Variants in AKAP6 observed in about 807,000 individuals in gnomAD.
AKAP6 encodes A-kinase anchoring protein 6.
A neutral mutation model predicts 188.5 loss-of-function variants in AKAP6; 58 were observed. The ratio of observed to expected loss-of-function variants is 0.31; its 90% CI spans 0.25 to 0.38. The LOEUF is 0.38. AKAP6 is among the 10% of genes least tolerant of loss of function. The pLI is 1.00. For missense variants in AKAP6, 2,710 were observed against 2,740.0 expected, an observed-to-expected ratio of 0.99 and a Z score of 0.24; for synonymous variants, 989 against 998.6, an observed-to-expected ratio of 0.99 and a Z score of 0.18.
chr14:32,663,292 A>G (rs780130313), intron 7 of AKAP6, among the ~76,000 whole-genome samples: 9 of 152,020 alleles, frequency 5.9e-5, no homozygotes, highest in Non-Finnish European at 1.0e-4. Context: ...TTTTAAAAAT[A>G]GTATCTTCAG....
chr14:32,554,704 G>A (rs77106695), intron 4 of AKAP6, among the ~76,000 whole-genome samples: 8,826 of 152,150 alleles, frequency 0.058, 302 homozygotes, highest in South Asian at 0.096. Context: ...TTGGTAAGTA[G>A]CCACTTGTAT....
intron 11 of AKAP6, among the ~76,000 whole-genome samples, chr14:32,749,173 G>C (rs935823233): frequency 1.3e-5 from 2 of 152,174 alleles, no homozygotes; most frequent in Non-Finnish European, 2.9e-5. Flanking sequence ...ATCTCAGGAA[G>C]TAAGTTTTCT....
intron 11 of AKAP6, among the ~76,000 whole-genome samples, chr14:32,749,365 A>G (rs1001975535): frequency 6.6e-6 from 1 of 152,212 alleles, no homozygotes; most frequent in Non-Finnish European, 1.5e-5. Context: ...AGATCAGCCA[A>G]TAGCCAATTC....
At chr14:32,388,543 G>T (rs146127374) in intron 1 of AKAP6, among the ~76,000 whole-genome samples, 1 of 151,946 alleles carries the variant, frequency 6.6e-6, no homozygotes, top group Non-Finnish European at 1.5e-5. Flanking sequence ...GGTTTGGTAG[G>T]TTGTGTCACT....
chr14:32,563,893 A>G (rs566998416), intron 4 of AKAP6, among the ~76,000 whole-genome samples: 1 of 152,310 alleles, frequency 6.6e-6, no homozygotes, highest in Admixed American at 6.5e-5. Flanking sequence ...CTAATTTATA[A>G]TTTTGTCACA....
rs948619612 is a variant in AKAP6, at chr14:32,837,104, T to G, written c.*7299T>G. ...TGTCATGTTCATCAACGTTTTAGAC[T>G]GTACCATTGCTCTTTCTCCCTTCTT... On this transcript the variant is annotated 3_prime_UTR_variant, in exon 14 of 14. Coordinates refer to ENST00000280979, the MANE Select transcript of AKAP6 (RefSeq NM_004274.5). 3 of 152,218 alleles carry G rather than the reference T, an allele frequency of 2.0e-5. No individual in the cohort carries two copies. The highest frequency in any genetic ancestry group is 2.9e-5 in the Non-Finnish European group (2 of 68,036). The allele number at this position is 152,218 out of a possible 1,614,324, so 9.4% of individuals were successfully genotyped here.
rs145631322 is a variant in AKAP6, at chr14:32,821,851, A to G, written c.4038A>G (p.Val1346=). 3.5e-5 allele frequency: 56 copies of G among 1,613,806 alleles called. No individual in the cohort carries two copies. Among genetic ancestry groups the G allele is most frequent in the Non-Finnish European group, 4.1e-5 (48 of 1,179,948 alleles). ...LPDLLGGSNL[V]KPCACHGGDM... ...ATCTTCTAGGTGGTTCCAATTTGGTAAAGCCCTGCGCATGTCATGGAGGAG... is the reference window on the plus strand; with the variant it reads ...ATCTTCTAGGTGGTTCCAATTTGGTGAAGCCCTGCGCATGTCATGGAGGAG... The change falls in exon 13 of 14, where the codon GTA becomes GTG. Residue 1346 remains valine (V), a synonymous_variant. Coordinates refer to ENST00000280979, the MANE Select transcript of AKAP6 (RefSeq NM_004274.5).
intron 1 of AKAP6, among the ~76,000 whole-genome samples, chr14:32,414,874 G>A (rs1889607559): frequency 6.6e-6 from 1 of 152,158 alleles, no homozygotes; most frequent in African/African-American, 2.4e-5. Flanking sequence ...CCAGGCTAAT[G>A]CACTCACTGA....
rs182621272 is a variant in AKAP6, at chr14:32,829,905, G to A, written c.*100G>A. ...TCCTCCCGCCCTGGGCTGGCCTCTG[G>A]TTCCATCACGTTTGTCACTGCCGTT... On this transcript the variant is annotated 3_prime_UTR_variant, in exon 14 of 14. Transcript: ENST00000280979. The A allele has an allele frequency of 7.6e-3, 5,311 of 702,674 alleles. 38 individuals are homozygous for A. Among genetic ancestry groups the A allele is most frequent in the Non-Finnish European group, 8.0e-3 (3,086 of 384,750 alleles). The allele number at this position is 702,674 out of a possible 1,614,324, so 43.5% of individuals were successfully genotyped here. A position where few individuals can be genotyped will look rare whatever the true frequency, so the allele number is the denominator to read the frequency against.
chr14:32,496,150 A>C (rs1272917199), intron 2 of AKAP6, among the ~76,000 whole-genome samples: 2 of 152,240 alleles, frequency 1.3e-5, no homozygotes, highest in East Asian at 3.8e-4. Context: ...CATGACAGAC[A>C]TATTCCTAAA....
intron 5 of AKAP6, among the ~76,000 whole-genome samples, chr14:32,592,781 A>G (rs1310952034): frequency 6.6e-6 from 1 of 152,048 alleles, no homozygotes; most frequent in Non-Finnish European, 1.5e-5. Context: ...CTCACAATAA[A>G]CCCCATGAAG....
chr14:32,546,738 G>C lies in AKAP6; in HGVS notation c.2085G>C (p.Arg695Ser), dbSNP rs1470043668. Residue 695 changes from arginine (R) to serine (S), a missense_variant, in exon 4 of 14, where the codon AGG becomes AGC. Coordinates refer to ENST00000280979, the MANE Select transcript of AKAP6 (RefSeq NM_004274.5). ...AAAAGAAGCATACAAGGCTAGGCAG[G>C]GTGTCTCCAAGCTCATCTAGTGACA... ...HVKKKHTRLG[R>S]VSPSSSSDIA... 3 of 1,613,932 alleles carry C rather than the reference G, an allele frequency of 1.9e-6. No homozygotes were observed. Among genetic ancestry groups the C allele is most frequent in the Non-Finnish European group, 2.5e-6 (3 of 1,180,004 alleles).
intron 5 of AKAP6, among the ~76,000 whole-genome samples, chr14:32,594,174 A>G (rs1369322030): frequency 6.6e-6 from 1 of 152,218 alleles, no homozygotes; most frequent in Non-Finnish European, 1.5e-5. Flanking sequence ...CAAGTTAGAT[A>G]GTATGATTTC....
chr14:32,363,934 G>C (rs1285901714), intron 1 of AKAP6, among the ~76,000 whole-genome samples: 6 of 152,222 alleles, frequency 3.9e-5, no homozygotes, highest in Non-Finnish European at 5.9e-5. Context: ...TGGTGAGGGA[G>C]TAACATTTGC....
At chr14:32,515,539 CAAAAT>C (rs950196364) in intron 2 of AKAP6, among the ~76,000 whole-genome samples, 1 of 151,944 alleles carries the variant, frequency 6.6e-6, no homozygotes, top group African/African-American at 2.4e-5. Flanking sequence ...GTGGAGTACA[CAAAAT>C]AAAAGAGAAA....
chr14:32,430,557 G>A (rs1890184642), intron 1 of AKAP6, among the ~76,000 whole-genome samples: 1 of 152,140 alleles, frequency 6.6e-6, no homozygotes, highest in South Asian at 2.1e-4. Context: ...GTTTTGCGGT[G>A]AGTGTGTATG....
At chr14:32,440,910 A>G (rs895352563) in intron 2 of AKAP6, among the ~76,000 whole-genome samples, 13 of 152,140 alleles carry the variant, frequency 8.5e-5, no homozygotes, top group African/African-American at 3.1e-4. Context: ...TTAATTGCCA[A>G]TGTGATAGTA....
chr14:32,688,128 A>G lies in AKAP6; in HGVS notation c.2880-7862A>G, dbSNP rs913228336. On this transcript the variant is annotated intron_variant, in intron 8 of 13. Transcript: ENST00000280979. ...CATAAATATATAATATAGTATATAT[A>G]TAAAATATAGTGTGTATATATATAC... Among the ~76,000 whole-genome samples the G allele has an allele frequency of 4.0e-5, 6 of 150,694 alleles. No homozygotes were observed. In the East Asian group the frequency reaches 5.8e-4, roughly 15 times the overall value.
At chr14:32,479,357 G>T (rs1038144382) in intron 2 of AKAP6, among the ~76,000 whole-genome samples, 5 of 152,056 alleles carry the variant, frequency 3.3e-5, no homozygotes, top group African/African-American at 1.2e-4. Flanking sequence ...TTATAAAAAT[G>T]AGAAGAAAAT....
Sources: gnomAD v4.1 joint callset for allele counts (sites outside exome capture counted in the v4.1 genomes callset) on GRCh38, gnomAD v4.1.1 for gene constraint, MANE v1.5 for transcripts, NCBI Gene and HGNC (gene_info 2026-07-23, HGNC 2026-07-21) for gene names.